B3GALT1: variants seen among roughly 807,000 people sequenced by gnomAD.
B3GALT1 encodes beta-1,3-galactosyltransferase 1.
Under a neutral mutation model 23.2 loss-of-function variants are expected in B3GALT1, and 10 were observed. The ratio of observed to expected loss-of-function variants is 0.43; its 90% CI spans 0.27 to 0.73. The LOEUF (loss-of-function observed/expected upper bound fraction) is 0.73, where lower values mean the gene tolerates loss of function less well. Ranked by LOEUF, B3GALT1 falls within the 30% of genes least tolerant of loss-of-function variation. B3GALT1 has a pLI of 0.21. For synonymous variants in B3GALT1, 156 were observed against 141.5 expected, an observed-to-expected ratio of 1.10 and a Z score of -0.73; for missense variants, 299 against 405.4, an observed-to-expected ratio of 0.74 and a Z score of 2.25.
chr2:167,667,216 G>C (rs12618544), intron 3 of B3GALT1, among the ~76,000 whole-genome samples: 3 of 152,004 alleles, frequency 2.0e-5, no homozygotes, highest in Non-Finnish European at 4.4e-5. Context: ...ATGAAGCTTA[G>C]TTTGGCTGGA....
At chr2:167,717,924 AT>A (rs1363887095) in intron 3 of B3GALT1, among the ~76,000 whole-genome samples, 1 of 152,116 alleles carries the variant, frequency 6.6e-6, no homozygotes, top group Non-Finnish European at 1.5e-5. Flanking sequence ...TCATGCTTTC[AT>A]TTTTACTTGT....
At chr2:167,680,244 A>C (rs1686503432) in intron 3 of B3GALT1, among the ~76,000 whole-genome samples, 1 of 152,212 alleles carries the variant, frequency 6.6e-6, no homozygotes, top group African/African-American at 2.4e-5. Context: ...ATAAATATGC[A>C]TCAGTGATTT....
At chr2:167,777,258 C>T (rs1178641837) in intron 3 of B3GALT1, among the ~76,000 whole-genome samples, 1 of 152,080 alleles carries the variant, frequency 6.6e-6, no homozygotes, top group African/African-American at 2.4e-5. Flanking sequence ...CACCCAATAA[C>T]ACTTATCAAT....
chr2:167,372,269 C>G (rs1366425962), intron 1 of B3GALT1, among the ~76,000 whole-genome samples: 4 of 151,918 alleles, frequency 2.6e-5, no homozygotes, highest in Admixed American at 6.6e-5. Context: ...GCAGAAAAAG[C>G]AATTGACCAA....
chr2:167,346,268 A>G (rs1449442651), intron 1 of B3GALT1, among the ~76,000 whole-genome samples: 1 of 152,176 alleles, frequency 6.6e-6, no homozygotes, highest in Non-Finnish European at 1.5e-5. Flanking sequence ...ACTCTAGGGT[A>G]TAACACCCTC....
intron 1 of B3GALT1, among the ~76,000 whole-genome samples, chr2:167,405,981 A>G (rs1698268916): frequency 6.6e-6 from 1 of 152,164 alleles, no homozygotes; most frequent in East Asian, 1.9e-4. Context: ...GAGAAATATT[A>G]GAAAATAAAG....
chr2:167,601,754 T>C (rs1163776993), intron 2 of B3GALT1, among the ~76,000 whole-genome samples: 1 of 152,206 alleles, frequency 6.6e-6, no homozygotes, highest in African/African-American at 2.4e-5. Flanking sequence ...TGATTCCATA[T>C]TGAGAAGTGC....
intron 1 of B3GALT1, among the ~76,000 whole-genome samples, chr2:167,420,225 A>G (rs13432767): frequency 1.3e-5 from 2 of 152,308 alleles, no homozygotes; most frequent in African/African-American, 2.4e-5. Context: ...CGTAGTTTCA[A>G]ATGACAGGAT....
At chr2:167,551,234 C>G (rs1683738308) in intron 2 of B3GALT1, among the ~76,000 whole-genome samples, 1 of 152,108 alleles carries the variant, frequency 6.6e-6, no homozygotes, top group Non-Finnish European at 1.5e-5. Flanking sequence ...GCCTCTTCCA[C>G]CAAATTACTG....
intron 3 of B3GALT1, among the ~76,000 whole-genome samples, chr2:167,810,737 G>A (rs780245330): frequency 6.9e-6 from 1 of 144,494 alleles, no homozygotes; most frequent in Non-Finnish European, 1.5e-5. Context: ...AGACCCAAAG[G>A]CAGCTTATCA....
intron 2 of B3GALT1, among the ~76,000 whole-genome samples, chr2:167,494,058 T>A (rs561863566): frequency 6.6e-6 from 1 of 152,086 alleles, no homozygotes; most frequent in African/African-American, 2.4e-5. Flanking sequence ...CAAGAGAGTA[T>A]GCCAACAAGA....
chr2:167,511,235 C>T lies in B3GALT1; in HGVS notation c.-410+20958C>T, dbSNP rs192281101. Among the ~76,000 whole-genome samples the T allele has an allele frequency of 6.6e-4, 100 of 152,260 alleles. No individual in the cohort carries two copies. In the East Asian group the frequency reaches 0.015, roughly 23 times the overall value. On this transcript the variant is annotated intron_variant, in intron 2 of 4. Coordinates refer to ENST00000392690, the MANE Select transcript of B3GALT1 (RefSeq NM_020981.4). The stretch of plus-strand genomic sequence containing the variant: ...GGAAAATGATATGATTTGGCTGTGT[C>T]CCCACCCAAATCTCATCTTGAATTG...
At chr2:167,785,809 G>T (rs1688332579) in intron 3 of B3GALT1, among the ~76,000 whole-genome samples, 2 of 152,276 alleles carry the variant, frequency 1.3e-5, no homozygotes, top group South Asian at 4.1e-4. Context: ...CTGGGAAGCG[G>T]CATGCATTTT....
chr2:167,657,244 G>A (rs1003141133), intron 3 of B3GALT1, among the ~76,000 whole-genome samples: 2 of 152,158 alleles, frequency 1.3e-5, no homozygotes, highest in African/African-American at 4.8e-5. Flanking sequence ...AGATATTTGA[G>A]CTGAAGAATA....
intron 1 of B3GALT1, among the ~76,000 whole-genome samples, chr2:167,370,909 G>A (rs1482170083): frequency 1.3e-5 from 2 of 152,166 alleles, no homozygotes; most frequent in African/African-American, 2.4e-5. Flanking sequence ...CTGGGCGACA[G>A]TGCGAGACTC....
At chr2:167,332,262 G>A (rs1267397330) in intron 1 of B3GALT1, among the ~76,000 whole-genome samples, 1 of 152,070 alleles carries the variant, frequency 6.6e-6, no homozygotes, top group Non-Finnish European at 1.5e-5. Flanking sequence ...CCCAGCTCCT[G>A]GCCGATTCTG....
chr2:167,805,256 A>T (rs1688727849), intron 3 of B3GALT1, among the ~76,000 whole-genome samples: 1 of 151,722 alleles, frequency 6.6e-6, no homozygotes, highest in Non-Finnish European at 1.5e-5. Flanking sequence ...GATTGCAAAA[A>T]TTTTCTCCCA....
At chr2:167,703,814 C>G (rs1054302495) in intron 3 of B3GALT1, among the ~76,000 whole-genome samples, 3 of 152,102 alleles carry the variant, frequency 2.0e-5, no homozygotes, top group African/African-American at 7.2e-5. Context: ...ATAAAATCTC[C>G]TACTGAACCC....
At chr2:167,845,892 AGC>A (rs1689748690) in intron 4 of B3GALT1, among the ~76,000 whole-genome samples, 1 of 152,146 alleles carries the variant, frequency 6.6e-6, no homozygotes. Flanking sequence ...TCAAGGAAAT[AGC>A]TTAAACAAAA....
Sources: allele counts gnomAD v4.1 joint callset (sites outside exome capture counted in the v4.1 genomes callset), GRCh38; gene constraint gnomAD v4.1.1; transcripts MANE v1.5; gene names NCBI Gene and HGNC (gene_info 2026-07-23, HGNC 2026-07-21).